SP1: variants seen among roughly 807,000 people sequenced by gnomAD.
SP1 encodes the protein Sp1 transcription factor.
SP1 carries 6 observed loss-of-function variants against 66.3 expected under a neutral mutation model. The ratio of observed to expected loss-of-function variants is 0.09; its 90% CI spans 0.05 to 0.18. SP1 has a LOEUF of 0.18. SP1 is among the 10% of genes least tolerant of loss of function. SP1 has a pLI of 1.00. For synonymous variants in SP1, 417 were observed against 360.8 expected, an observed-to-expected ratio of 1.16 and a Z score of -1.77; for missense variants, 848 against 964.5, an observed-to-expected ratio of 0.88 and a Z score of 1.60.
In SP1 at chr12:53,406,736, T is replaced by C. The variant is rs1450382418; in HGVS notation, c.1827T>C (p.Cys609=). The change falls in exon 4 of 6, where the codon TGT becomes TGC. Residue 609 remains cysteine, a synonymous_variant. Transcript: ENST00000327443. ...GGGAAGCATGCACCTGCCCCTACTG[T>C]AAAGACAGTGAAGGAAGGTGAGTTG... ...TRREACTCPY[C]KDSEGRGSGD... 6.2e-7 allele frequency: 1 copy of C among 1,613,734 alleles called. No individual in the cohort carries two copies. The highest frequency in any genetic ancestry group is 1.3e-5 in the African/African-American group (1 of 75,034).
Position 53,411,187 on chromosome 12 carries a change from G to A in SP1, c.2305G>A (p.Val769Ile), listed in dbSNP as rs1938874468. 17 of 1,613,774 alleles carry A rather than the reference G, an allele frequency of 1.1e-5. No individual in the cohort carries two copies. Among genetic ancestry groups the A allele is most frequent in the Non-Finnish European group, 1.4e-5 (16 of 1,180,044 alleles). The change falls in exon 6 of 6, where the codon GTC becomes ATC. Residue 769 changes from valine to isoleucine, a missense_variant. This residue lies in a region of SP1 where 73 missense variants were observed against 91.9 expected (regional missense o/e 0.79). Coordinates refer to ENST00000327443, the MANE Select transcript of SP1 (RefSeq NM_138473.3). ...CCGTCTTGCCAACAGTGGCATCAAC[G>A]TCATGCAGGTGGCAGATCTGCAGTC... ...IARLANSGIN[V>I]MQVADLQSIN...
At position 53,382,963 on chromosome 12, in the gene SP1, T is replaced by C. The variant is rs139394678; in HGVS notation, c.1016T>C (p.Met339Thr). 80 of 1,614,176 alleles carry C rather than the reference T, an allele frequency of 5.0e-5. No homozygotes were observed. The highest frequency in any genetic ancestry group is 6.1e-5 in the Non-Finnish European group (72 of 1,180,040). The change falls in exon 3 of 6, where the codon ATG becomes ACG. Residue 339 changes from methionine (M) to threonine (T), a missense_variant. Physicochemically the swap from Met to Thr is moderately conservative, Grantham distance 81 (BLOSUM62 -1). Around this residue, in one of 7 missense-constraint regions of SP1, gnomAD observed 606 missense variants for 589.9 expected, o/e 1.03. Transcript: ENST00000327443. ...TTTTTSNMGI[M>T]NFTTSGSSGT... Reference sequence around the variant, plus strand: ...ACTACCACCAGCAACATGGGAATTATGAACTTTACTACCAGTGGATCATCA... The same window carrying C: ...ACTACCACCAGCAACATGGGAATTACGAACTTTACTACCAGTGGATCATCA...
intron 5 of SP1, among the ~76,000 whole-genome samples, 186 bp downstream of exon 5, chr12:53,409,747 C>G (rs1266086314): frequency 6.6e-6 from 1 of 152,186 alleles, no homozygotes; most frequent in African/African-American, 2.4e-5. Flanking sequence ...CAGTGGCTCA[C>G]GCCTGTAATC....
chr12:53,400,730 A>G (rs573825392), intron 3 of SP1, among the ~76,000 whole-genome samples: 7 of 148,522 alleles, frequency 4.7e-5, no homozygotes, highest in Admixed American at 1.3e-4. Context: ...CTGGGATTAC[A>G]GGTGTGTACC....
intron 3 of SP1, among the ~76,000 whole-genome samples, chr12:53,390,157 A>G (rs867704650): frequency 1.3e-5 from 2 of 152,206 alleles, no homozygotes; most frequent in South Asian, 2.1e-4. Flanking sequence ...TTTTTGTGCA[A>G]AAGGTCATAT....
chr12:53,396,770 G>A (rs926528324), intron 3 of SP1, among the ~76,000 whole-genome samples: 1 of 151,856 alleles, frequency 6.6e-6, no homozygotes, highest in Non-Finnish European at 1.5e-5. Context: ...TAGTCTTCTG[G>A]GTACTGTGTT....
chr12:53,409,452 A>G lies in SP1; in HGVS notation c.1935A>G (p.Ala645=). ...ATGGCAAGACCTCTCACCTGCGGGC[A>G]CACTTGCGCTGGCATACAGGCGAGA... ...KVYGKTSHLR[A]HLRWHTGERP... The change falls in exon 5 of 6, where the codon GCA becomes GCG. Residue 645 remains alanine (A), a synonymous_variant. Transcript: ENST00000327443. The G allele has an allele frequency of 6.2e-7, 1 of 1,614,108 alleles. No individual in the cohort carries two copies. Among genetic ancestry groups the G allele is most frequent in the Non-Finnish European group, 8.5e-7 (1 of 1,179,990 alleles).
intron 3 of SP1, among the ~76,000 whole-genome samples, chr12:53,387,922 C>T (rs1299067514): frequency 6.6e-6 from 1 of 151,664 alleles, no homozygotes; most frequent in African/African-American, 2.4e-5. Context: ...GGAGGCAGAG[C>T]GTGCAGTGAG....
chr12:53,410,908 C>A lies in SP1; in HGVS notation c.2045-19C>A. 6.3e-7 allele frequency: 1 copy of A among 1,591,888 alleles called. No homozygotes were observed. The highest frequency in any genetic ancestry group is 8.6e-7 in the Non-Finnish European group (1 of 1,164,524). On this transcript the variant is annotated intron_variant, in intron 5 of 5. Transcript: ENST00000327443. ...ACTTCCTAACATGTCAGCTTCTTAT[C>A]TTTTCTTCCTTTACCTAGGTGAGAA... is the stretch of plus-strand genomic sequence containing the variant.
intron 3 of SP1, among the ~76,000 whole-genome samples, chr12:53,400,515 C>G (rs1449034821): frequency 6.6e-6 from 1 of 152,074 alleles, no homozygotes. Context: ...TTTAATTTCT[C>G]TTGGTTATAT....
Position 53,406,670 on chromosome 12 carries a change from C to T in SP1, c.1761C>T (p.Asn587=). 3.1e-6 allele frequency: 5 copies of T among 1,614,082 alleles called. No homozygotes were observed. Among genetic ancestry groups the T allele is most frequent in the Non-Finnish European group, 4.2e-6 (5 of 1,180,018 alleles). Residue 587 remains asparagine, a synonymous_variant, in exon 4 of 6, where the codon AAC becomes AAT. Coordinates refer to ENST00000327443, the MANE Select transcript of SP1 (RefSeq NM_138473.3). ...DDTAGGEEGE[N]SPDAQPQAGR... ...CAGCAGGTGGAGAGGAAGGAGAAAACAGCCCAGATGCCCAACCCCAAGCCG... is the reference window on the plus strand; with the variant it reads ...CAGCAGGTGGAGAGGAAGGAGAAAATAGCCCAGATGCCCAACCCCAAGCCG...
chr12:53,400,745 C>T (rs1938591504), intron 3 of SP1, among the ~76,000 whole-genome samples: 1 of 144,696 alleles, frequency 6.9e-6, no homozygotes, highest in South Asian at 2.2e-4. Context: ...TGTACCACCA[C>T]ACTGGGCTAA....
At chr12:53,394,607 CTTTTTTTTTTTTTTTT>C (rs71443299) in intron 3 of SP1, among the ~76,000 whole-genome samples, 1 of 58,152 alleles carries the variant, frequency 1.7e-5, no homozygotes, top group African/African-American at 8.0e-5. Flanking sequence ...GAGATAAGGT[CTTTTTTTTTTTTTTTT>C]TTTTTTTTTG....
At chr12:53,399,241 T>C (rs191455460) in intron 3 of SP1, among the ~76,000 whole-genome samples, 22 of 152,334 alleles carry the variant, frequency 1.4e-4, no homozygotes, top group Admixed American at 1.4e-3. Context: ...ATTAAACTTT[T>C]TTGTTTTTTG....
Position 53,382,889 on chromosome 12 carries a change from A to C in SP1, c.942A>C (p.Gln314His). The change falls in exon 3 of 6, where the codon CAA (glutamine) becomes CAC (histidine). Residue 314 changes from glutamine (Q) to histidine (H), a missense_variant. Physicochemically the swap from Gln to His is conservative, Grantham distance 24. Coordinates refer to ENST00000327443, the MANE Select transcript of SP1 (RefSeq NM_138473.3). Reference protein sequence around the residue: ...TISSASLVSSQASSSSFFTNA... With the variant: ...TISSASLVSSHASSSSFFTNA... ...GTTCTGCCAGCTTGGTATCATCACA[A>C]GCCAGTTCCAGCTCCTTTTTCACCA... 6.2e-7 allele frequency: 1 copy of C among 1,614,206 alleles called. No individual in the cohort carries two copies. The highest frequency in any genetic ancestry group is 1.1e-5 in the South Asian group (1 of 91,084).
intron 3 of SP1, among the ~76,000 whole-genome samples, chr12:53,404,478 G>A (rs1938683269): frequency 1.3e-5 from 2 of 150,314 alleles, no homozygotes; most frequent in African/African-American, 4.9e-5. Flanking sequence ...GGAGGCGGAG[G>A]TTGCAATGAG....
intron 3 of SP1, among the ~76,000 whole-genome samples, chr12:53,390,944 C>T (rs543634501): frequency 3.3e-5 from 5 of 152,234 alleles, no homozygotes; most frequent in South Asian, 2.1e-4. Context: ...AGCATGTAAA[C>T]GTGCAACTAA....
At chr12:53,403,607 G>C (rs1255354274) in intron 3 of SP1, among the ~76,000 whole-genome samples, 1 of 150,822 alleles carries the variant, frequency 6.6e-6, no homozygotes, top group Non-Finnish European at 1.5e-5. Flanking sequence ...CTCCTGCCTT[G>C]GCCTCCCAAG....
At chr12:53,380,672 G>C in intron 1 of SP1, 2 of 988,404 alleles carry the variant, frequency 2.0e-6, no homozygotes, top group Non-Finnish European at 2.4e-6. Context: ...CCGCCTGCCT[G>C]GTCCGCCCTC....
Sources: allele counts gnomAD v4.1 joint callset (sites outside exome capture counted in the v4.1 genomes callset), GRCh38; gene constraint gnomAD v4.1.1; regional missense constraint gnomAD v4.1.1; transcripts MANE v1.5; gene names NCBI Gene and HGNC (gene_info 2026-07-23, HGNC 2026-07-21).